UCK2: variants seen among roughly 807,000 people sequenced by gnomAD.
The protein encoded by UCK2 is cytidine monophosphokinase 2.
Under a neutral mutation model 30.8 loss-of-function variants are expected in UCK2, and 6 were observed. The ratio of observed to expected loss-of-function variants is 0.19; its 90% confidence interval spans 0.11 to 0.38. The LOEUF is 0.38. Among genes scored for constraint, UCK2 ranks in the 10% least tolerant of loss-of-function variants. The pLI is 1.00. For synonymous variants in UCK2, 125 were observed against 133.6 expected, an observed-to-expected ratio of 0.94 and a Z score of 0.45; for missense variants, 210 against 339.8, an observed-to-expected ratio of 0.62 and a Z score of 3.00.
intron 1 of UCK2, among the ~76,000 whole-genome samples, chr1:165,879,033 T>A (rs1655409456): frequency 6.6e-6 from 1 of 152,214 alleles, no homozygotes; most frequent in African/African-American, 2.4e-5. Context: ...AGTGGTACCT[T>A]GTTTTAATTT....
chr1:165,883,035 A>G (rs894159842), intron 1 of UCK2, among the ~76,000 whole-genome samples: 1 of 152,168 alleles, frequency 6.6e-6, no homozygotes, highest in African/African-American at 2.4e-5. Context: ...CATGTTGGCC[A>G]GGATGGTCTT....
intron 1 of UCK2, among the ~76,000 whole-genome samples, chr1:165,863,968 A>AT (rs1654983496): frequency 6.6e-6 from 1 of 151,818 alleles, no homozygotes. Flanking sequence ...TTCCTGCCTT[A>AT]TTTTTTTTCC....
At chr1:165,884,494 G>A (rs1206115985) in intron 1 of UCK2, among the ~76,000 whole-genome samples, 4 of 152,212 alleles carry the variant, frequency 2.6e-5, no homozygotes, top group Admixed American at 6.5e-5. Flanking sequence ...CTAACCCGAC[G>A]CCCTCCCAAG....
chr1:165,830,070 A>C (rs546323025), intron 1 of UCK2, among the ~76,000 whole-genome samples: 1 of 151,882 alleles, frequency 6.6e-6, no homozygotes, highest in South Asian at 2.1e-4. Flanking sequence ...CCGTGGTGAG[A>C]TCTTGGCTTA....
chr1:165,902,424 A>G (rs1178453550), intron 4 of UCK2, among the ~76,000 whole-genome samples: 1 of 150,722 alleles, frequency 6.6e-6, no homozygotes, highest in African/African-American at 2.5e-5. Flanking sequence ...AAAAGAAAAA[A>G]AAATTTTTTA....
intron 1 of UCK2, among the ~76,000 whole-genome samples, chr1:165,838,465 C>T (rs1472183838): frequency 6.6e-6 from 1 of 152,184 alleles, no homozygotes; most frequent in African/African-American, 2.4e-5. Context: ...GTGTTGCTCA[C>T]GTGTCTCCTT....
chr1:165,833,954 A>G (rs779523625), intron 1 of UCK2, among the ~76,000 whole-genome samples: 1 of 152,198 alleles, frequency 6.6e-6, no homozygotes, highest in Non-Finnish European at 1.5e-5. Flanking sequence ...TAATTATGAC[A>G]TACAAAATAG....
intron 5 of UCK2, among the ~76,000 whole-genome samples, chr1:165,905,252 G>A (rs1258125917): frequency 6.6e-6 from 1 of 152,230 alleles, no homozygotes; most frequent in Non-Finnish European, 1.5e-5. Flanking sequence ...GGAGGCCCAG[G>A]TGGGTGGATC....
chr1:165,865,619 A>G (rs1317701860), intron 1 of UCK2, among the ~76,000 whole-genome samples: 2 of 152,110 alleles, frequency 1.3e-5, no homozygotes, highest in East Asian at 3.8e-4. Context: ...TTCCCACACA[A>G]AAAAGAGAGC....
intron 1 of UCK2, among the ~76,000 whole-genome samples, chr1:165,879,196 A>AT: frequency 6.6e-6 from 1 of 152,040 alleles, no homozygotes; most frequent in Non-Finnish European, 1.5e-5. Flanking sequence ...TTGTGTTTTT[A>AT]TTTTTTGTTA....
chr1:165,828,624 G>C (rs1653959359), intron 1 of UCK2, among the ~76,000 whole-genome samples: 1 of 152,186 alleles, frequency 6.6e-6, no homozygotes, highest in Non-Finnish European at 1.5e-5. Context: ...AGTTGTACTG[G>C]CTCCAAGCTC....
At chr1:165,840,364 C>T (rs1294918415) in intron 1 of UCK2, among the ~76,000 whole-genome samples, 1 of 152,164 alleles carries the variant, frequency 6.6e-6, no homozygotes, top group African/African-American at 2.4e-5. Context: ...TATCTGTTAC[C>T]TCACTTAGTC....
At chr1:165,896,993 C>T (rs1245902699) in intron 4 of UCK2, among the ~76,000 whole-genome samples, 2 of 152,186 alleles carry the variant, frequency 1.3e-5, no homozygotes, top group African/African-American at 4.8e-5. Flanking sequence ...TCGCTTCCAC[C>T]AGGAGAGATT....
chr1:165,880,720 A>G (rs1383707322), intron 1 of UCK2, among the ~76,000 whole-genome samples: 3 of 152,166 alleles, frequency 2.0e-5, no homozygotes, highest in African/African-American at 4.8e-5. Context: ...TCTATATGGA[A>G]TAATCTTAAT....
intron 1 of UCK2, among the ~76,000 whole-genome samples, chr1:165,878,248 C>T (rs1206886976): frequency 6.6e-6 from 1 of 151,828 alleles, no homozygotes; most frequent in Non-Finnish European, 1.5e-5. Flanking sequence ...ATTATGTGAC[C>T]TTTTCAGATT....
At chr1:165,858,451 T>G (rs544201078) in intron 1 of UCK2, among the ~76,000 whole-genome samples, 13 of 152,262 alleles carry the variant, frequency 8.5e-5, no homozygotes, top group Admixed American at 8.5e-4. Context: ...CTACATTAGC[T>G]CGATTTGCTG....
chr1:165,838,350 A>G (rs1030080944), intron 1 of UCK2, among the ~76,000 whole-genome samples: 2 of 152,240 alleles, frequency 1.3e-5, no homozygotes, highest in African/African-American at 2.4e-5. Flanking sequence ...AATTAAGTCT[A>G]CAACAAGATC....
At chr1:165,890,730 C>T (rs1048930276) in intron 2 of UCK2, 58 of 264,588 alleles carry the variant, frequency 2.2e-4, no homozygotes, top group South Asian at 4.0e-4. Context: ...TGTGTTCAAC[C>T]CACTGTCTGG....
intron 1 of UCK2, among the ~76,000 whole-genome samples, chr1:165,862,065 C>T (rs939537914): frequency 6.6e-6 from 1 of 152,172 alleles, no homozygotes; most frequent in Non-Finnish European, 1.5e-5. Flanking sequence ...TAAGTCCTCT[C>T]GTCACCCTTG....
Sources: gnomAD v4.1 joint callset for allele counts (sites outside exome capture counted in the v4.1 genomes callset) on GRCh38, gnomAD v4.1.1 for gene constraint, MANE v1.5 for transcripts, NCBI Gene and HGNC (gene_info 2026-07-23, HGNC 2026-07-21) for gene names.